Variants in ZNF512 observed in about 807,000 individuals in gnomAD.
ZNF512 encodes the protein zinc finger protein 512.
In ZNF512, 25 loss-of-function variants were observed where a neutral mutation model predicts 77.5. That is an observed-to-expected ratio of 0.32 (90% CI 0.23 to 0.45). ZNF512 has a LOEUF of 0.45. Among genes scored for constraint, ZNF512 ranks in the 20% least tolerant of loss-of-function variants. The pLI is 1.00. For missense variants in ZNF512, 483 were observed against 692.6 expected (o/e 0.70, Z 3.40); for synonymous variants, 246 against 239.9 (o/e 1.03, Z -0.24).
At chr2:27,603,063 C>T in intron 8 of ZNF512, 77 bp from the exon 9 acceptor site, 1 of 1,547,486 alleles carries the variant, frequency 6.5e-7, no homozygotes. Context: ...GTGGTGAATG[C>T]TTTATGGCTG....
intron 2 of ZNF512, among the ~76,000 whole-genome samples, chr2:27,595,151 A>T (rs1490866105): frequency 6.6e-6 from 1 of 152,122 alleles, no homozygotes; most frequent in African/African-American, 2.4e-5. Flanking sequence ...GAGCGGGGAG[A>T]GGGAGAGCGA....
chr2:27,583,481 C>T, intron 1 of ZNF512, 177 bp from the exon 2 acceptor site: 2 of 1,469,632 alleles, frequency 1.4e-6, no homozygotes, highest in South Asian at 1.4e-5. Flanking sequence ...TATTGTTACC[C>T]GCCTTTGCAC....
intron 10 of ZNF512, among the ~76,000 whole-genome samples, chr2:27,608,372 G>A (rs1283440545): frequency 3.3e-5 from 5 of 152,066 alleles, no homozygotes. Flanking sequence ...AATGGTTTCA[G>A]TTTGTTTTGT....
chr2:27,617,251 A>C, intron 12 of ZNF512: 1 of 445,730 alleles, frequency 2.2e-6, no homozygotes, highest in Non-Finnish European at 4.1e-6. Context: ...GTTGTGTTGA[A>C]GTAGGGTGGG....
intron 2 of ZNF512, among the ~76,000 whole-genome samples, chr2:27,596,029 T>C (rs1321456150): frequency 3.3e-5 from 5 of 150,622 alleles, no homozygotes; most frequent in Non-Finnish European, 5.9e-5. Context: ...ATAATTCTTC[T>C]GGGGAATGTT....
At chr2:27,600,138 TAAAG>T in intron 5 of ZNF512, 85 bp downstream of exon 5, 1 of 1,446,496 alleles carries the variant, frequency 6.9e-7, no homozygotes, top group Non-Finnish European at 9.6e-7. Flanking sequence ...AATGAGGTAC[TAAAG>T]CATTTCTTTA....
At position 27,603,289 on chromosome 2, in the gene ZNF512, G is replaced by A; in HGVS notation, c.918G>A (p.Leu306=). The part of the protein sequence containing the change: ...YRSKAGLAYH[L]RSEHGPISFF... ...CGAAGGCTGGACTTGCATATCACCTGAGGTCAGAGCATGGGCCTGTGAGTA... is the reference window on the plus strand; with the variant it reads ...CGAAGGCTGGACTTGCATATCACCTAAGGTCAGAGCATGGGCCTGTGAGTA... Residue 306 remains leucine (L), a synonymous_variant, in exon 9 of 14, where the codon CTG becomes CTA. Transcript: ENST00000355467. 6 of 1,613,908 alleles carry A rather than the reference G, an allele frequency of 3.7e-6. No homozygotes were observed. The highest frequency in any genetic ancestry group is 5.1e-6 in the Non-Finnish European group (6 of 1,179,896).
At position 27,622,907 on chromosome 2, in the gene ZNF512, A is replaced by G. The variant is rs940257012; in HGVS notation, c.*1446A>G. 6.5e-6 allele frequency: 1 copy of G among 152,804 alleles called. No homozygotes were observed. Among genetic ancestry groups the G allele is most frequent in the African/African-American group, 2.4e-5 (1 of 41,460 alleles). 9.5% of individuals were successfully genotyped at this position (152,804 alleles called of 1,614,324 possible). On this transcript the variant is annotated 3_prime_UTR_variant, in exon 14 of 14. Coordinates refer to ENST00000355467, the MANE Select transcript of ZNF512 (RefSeq NM_032434.4). ...AACCTGAATTGGATACTGCCAGAAT[A>G]GGTAGTTTTGAAACAAGTTAAGGAC...
At chr2:27,617,967 T>A (rs1672957676) in intron 13 of ZNF512, among the ~76,000 whole-genome samples, 1 of 150,892 alleles carries the variant, frequency 6.6e-6, no homozygotes, top group African/African-American at 2.4e-5. Context: ...TTTTTTTTTT[T>A]AGACGGAGTC....
At position 27,621,431 on chromosome 2, in the gene ZNF512, A is replaced by C; in HGVS notation, c.1674A>C (p.Pro558=). 1 of 1,612,800 alleles carries C rather than the reference A, an allele frequency of 6.2e-7. No individual in the cohort carries two copies. Among genetic ancestry groups the C allele is most frequent in the Non-Finnish European group, 8.5e-7 (1 of 1,179,934 alleles). Residue 558 remains proline (P), a synonymous_variant, in exon 14 of 14, where the codon CCA becomes CCC. Transcript: ENST00000355467. ...CACAGTTCCAGAAAGTAAAGCCCCC[A>C]AAGACTAATCATAAACGAGGAAGGA... ...VPAQFQKVKP[P]KTNHKRGRK
At chr2:27,596,113 G>C (rs1671857813) in intron 2 of ZNF512, among the ~76,000 whole-genome samples, 1 of 152,156 alleles carries the variant, frequency 6.6e-6, no homozygotes, top group Non-Finnish European at 1.5e-5. Context: ...GGAGGCATTT[G>C]TTAAAATCTC....
At chr2:27,603,345 G>A (rs1672209100) in intron 9 of ZNF512, 38 bp downstream of exon 9, 1 of 1,604,646 alleles carries the variant, frequency 6.2e-7, no homozygotes, top group Non-Finnish European at 8.5e-7. Flanking sequence ...GCGTGGGGAT[G>A]TATTTCGTGG....
chr2:27,589,915 C>T (rs1443003231), intron 2 of ZNF512, among the ~76,000 whole-genome samples: 1 of 152,144 alleles, frequency 6.6e-6, no homozygotes, highest in East Asian at 1.9e-4. Flanking sequence ...CCAATGTGGT[C>T]AGAGAATACA....
At chr2:27,599,832 A>G (rs745581033) in intron 4 of ZNF512, 138 bp from the exon 5 acceptor site, 1 of 1,182,510 alleles carries the variant, frequency 8.5e-7, no homozygotes, top group Non-Finnish European at 1.2e-6. Context: ...GCCTCATTAT[A>G]CCCTTTCATT....
rs760698805 is a variant in ZNF512, at chr2:27,621,144, C to T, written c.1396-9C>T. ...TCGACTGGATGACATTTCTATTTTGCCTCTCTAGGACTGGTTCGTTGTAAA... is the reference window on the plus strand; with the variant it reads ...TCGACTGGATGACATTTCTATTTTGTCTCTCTAGGACTGGTTCGTTGTAAA... On this transcript the variant is annotated splice_polypyrimidine_tract_variant and intron_variant, in intron 13 of 13. Transcript: ENST00000355467. 25 of 1,599,208 alleles carry T rather than the reference C, an allele frequency of 1.6e-5. No homozygotes were observed. The Admixed American group carries it at 1.6e-4, about 10-fold the overall frequency.
chr2:27,593,440 A>G, intron 2 of ZNF512, among the ~76,000 whole-genome samples: 1 of 151,448 alleles, frequency 6.6e-6, no homozygotes, highest in Non-Finnish European at 1.5e-5. Context: ...GCAACATAGC[A>G]AGACCCTGTC....
intron 2 of ZNF512, among the ~76,000 whole-genome samples, chr2:27,596,639 C>T (rs1671884076): frequency 6.6e-6 from 1 of 152,188 alleles, no homozygotes; most frequent in Admixed American, 6.5e-5. Context: ...GCATAATTTA[C>T]TTGTTTTTGT....
chr2:27,595,382 C>T (rs545851698), intron 2 of ZNF512, among the ~76,000 whole-genome samples: 29 of 150,200 alleles, frequency 1.9e-4, no homozygotes, highest in South Asian at 4.2e-4. Context: ...CTCACTGCAG[C>T]GGCGCGATCT....
rs570663088 is a variant in ZNF512, at chr2:27,622,796, A to G, written c.*1335A>G. ...CTACCTTTTCAAATTCTGAAAGGCTATTACCACTTTAACTCTTTGTGCTCC... is the reference window on the plus strand; with the variant it reads ...CTACCTTTTCAAATTCTGAAAGGCTGTTACCACTTTAACTCTTTGTGCTCC... On this transcript the variant is annotated 3_prime_UTR_variant, in exon 14 of 14. Transcript: ENST00000355467. 7.8e-4 allele frequency: 120 copies of G among 152,948 alleles called. No homozygotes were observed. Among genetic ancestry groups the G allele is most frequent in the African/African-American group, 2.8e-3 (118 of 41,584 alleles). The allele number at this position is 152,948 out of a possible 1,614,324, so 9.5% of individuals were successfully genotyped here.
Sources: gnomAD v4.1 joint callset for allele counts (sites outside exome capture counted in the v4.1 genomes callset) on GRCh38, gnomAD v4.1.1 for gene constraint, MANE v1.5 for transcripts, NCBI Gene and HGNC (gene_info 2026-07-23, HGNC 2026-07-21) for gene names.